LAMA2: variants seen among roughly 807,000 people sequenced by gnomAD.
The protein encoded by LAMA2 is laminin subunit alpha 2, also known as laminin subunit alpha-2.
In LAMA2, 269 loss-of-function variants were observed where a neutral mutation model predicts 364.8. That is an observed-to-expected ratio of 0.74 (90% confidence interval 0.67 to 0.82). LAMA2 has a LOEUF of 0.82. LAMA2 is among the 40% of genes least tolerant of loss of function. LAMA2 has a pLI of 0.00. For missense variants in LAMA2, 3,807 were observed against 3,873.2 expected, an observed-to-expected ratio of 0.98 and a Z score of 0.45; for synonymous variants, 1,379 against 1,370.6, an observed-to-expected ratio of 1.01 and a Z score of -0.14.
chr6:129,475,892 T>C (rs988551), intron 53 of LAMA2, among the ~76,000 whole-genome samples: 63,136 of 152,008 alleles, frequency 0.42, 13,307 homozygotes, highest in African/African-American at 0.46. Flanking sequence ...TGCAAACATT[T>C]ACACAGCCTT....
chr6:129,435,038 G>A (rs1781770279), intron 41 of LAMA2, among the ~76,000 whole-genome samples: 1 of 152,022 alleles, frequency 6.6e-6, no homozygotes, highest in Admixed American at 6.6e-5. Context: ...TAGCGCTTTG[G>A]AACTTGAGAG....
chr6:129,297,550 T>G, intron 20 of LAMA2, 135 bp from the exon 21 acceptor site: 1 of 778,512 alleles, frequency 1.3e-6, no homozygotes, highest in South Asian at 1.5e-5. Context: ...GAAAACCCAA[T>G]TGTCATAACA....
intron 29 of LAMA2, 109 bp downstream of exon 29, chr6:129,328,521 T>C: frequency 6.5e-7 from 1 of 1,539,414 alleles, no homozygotes; most frequent in Non-Finnish European, 8.9e-7. Flanking sequence ...TGCAACTGTG[T>C]GTGTGAAATA....
chr6:129,181,390 AT>A (rs1339528292), intron 10 of LAMA2, among the ~76,000 whole-genome samples: 1 of 152,124 alleles, frequency 6.6e-6, no homozygotes, highest in Non-Finnish European at 1.5e-5. Context: ...CACATAAATC[AT>A]AAAAATATGT....
chr6:129,098,156 T>C lies in LAMA2; in HGVS notation c.397-17T>C, dbSNP rs1775297504. On this transcript the variant is annotated splice_polypyrimidine_tract_variant and intron_variant, in intron 3 of 64. Transcript: ENST00000421865. ...ATTTGGGAATTCAATGTTATTGTTGTTGTTATACTTCCCTAGGTGTTCCAG... is the reference window on the plus strand; with the variant it reads ...ATTTGGGAATTCAATGTTATTGTTGCTGTTATACTTCCCTAGGTGTTCCAG... The C allele has an allele frequency of 1.2e-6, 2 of 1,613,534 alleles. No individual in the cohort carries two copies. Among genetic ancestry groups the C allele is most frequent in the South Asian group, 2.2e-5 (2 of 91,078 alleles).
In LAMA2 at chr6:128,888,802, G is replaced by C. The variant is rs369625627; in HGVS notation, c.112+5445G>C. Reference sequence around the variant, plus strand: ...CTGAGTGAGATGAGGAGGCATCGGTGAGTTTTAACAGAGTTAAATAAATGA... The same window carrying C: ...CTGAGTGAGATGAGGAGGCATCGGTCAGTTTTAACAGAGTTAAATAAATGA... On this transcript the variant is annotated intron_variant, in intron 1 of 64. Coordinates refer to ENST00000421865, the MANE Select transcript of LAMA2 (RefSeq NM_000426.4). 7.2e-5 allele frequency among the ~76,000 whole-genome samples: 11 copies of C among 152,284 alleles called. No individual in the cohort carries two copies. The East Asian group carries it at 1.9e-3, about 27-fold the overall frequency.
intron 34 of LAMA2, among the ~76,000 whole-genome samples, chr6:129,382,498 G>A (rs1778748724): frequency 1.3e-5 from 2 of 152,162 alleles, no homozygotes; most frequent in South Asian, 4.1e-4. Flanking sequence ...TGACACTGCT[G>A]CATGATTCTG....
At chr6:128,913,854 A>T (rs892941091) in intron 1 of LAMA2, among the ~76,000 whole-genome samples, 1 of 152,278 alleles carries the variant, frequency 6.6e-6, no homozygotes, top group Non-Finnish European at 1.5e-5. Context: ...TTCGTCTGTT[A>T]TGGAAACGCT....
chr6:129,404,501 AGT>A (rs1251829121), intron 40 of LAMA2, among the ~76,000 whole-genome samples: 1 of 152,192 alleles, frequency 6.6e-6, no homozygotes, highest in Non-Finnish European at 1.5e-5. Context: ...ATTTGGAACA[AGT>A]ATTTTAGAGT....
chr6:129,087,367 G>C (rs950705233), intron 3 of LAMA2, among the ~76,000 whole-genome samples: 1 of 152,162 alleles, frequency 6.6e-6, no homozygotes, highest in African/African-American at 2.4e-5. Flanking sequence ...ATAACATTGG[G>C]ACACACCTTT....
At chr6:129,179,455 C>G (rs1340968375) in intron 10 of LAMA2, among the ~76,000 whole-genome samples, 1 of 152,080 alleles carries the variant, frequency 6.6e-6, no homozygotes, top group Non-Finnish European at 1.5e-5. Context: ...AGTTAATTTT[C>G]TTTGGTAAAT....
chr6:129,154,591 T>C lies in LAMA2; in HGVS notation c.1114T>C (p.Tyr372His). The change falls in exon 8 of 65, where the codon TAC becomes CAC. Residue 372 changes from tyrosine to histidine, a missense_variant. Tyr to His is a moderately conservative substitution (Grantham distance 83). This residue lies in a region of LAMA2 where 80 missense variants were observed against 124.0 expected (regional missense o/e 0.65). Transcript: ENST00000421865. Reference sequence around the variant, plus strand: ...TCTGAGTTTGAATATACGTGGAAAGTACATTGGAGGGGGTGTCTGCATTAA... The same window carrying C: ...TCTGAGTTTGAATATACGTGGAAAGCACATTGGAGGGGGTGTCTGCATTAA... ...RNLSLNIRGK[Y>H]IGGGVCINCT... 2 of 1,613,856 alleles carry C rather than the reference T, an allele frequency of 1.2e-6. No homozygotes were observed. The highest frequency in any genetic ancestry group is 1.6e-4 in the Middle Eastern group (1 of 6,062).
At chr6:129,017,929 G>A (rs1209141722) in intron 1 of LAMA2, among the ~76,000 whole-genome samples, 1 of 151,736 alleles carries the variant, frequency 6.6e-6, no homozygotes, top group Non-Finnish European at 1.5e-5. Flanking sequence ...AGATCTTGTA[G>A]GTCTAAATAT....
chr6:129,420,821 A>C (rs987761613), intron 40 of LAMA2, among the ~76,000 whole-genome samples: 6 of 152,076 alleles, frequency 3.9e-5, no homozygotes, highest in Admixed American at 1.3e-4. Context: ...ACTTGCCTTC[A>C]CACCTCCCTC....
intron 10 of LAMA2, among the ~76,000 whole-genome samples, chr6:129,182,570 G>A (rs546321916): frequency 6.6e-6 from 1 of 151,820 alleles, no homozygotes; most frequent in South Asian, 2.1e-4. Flanking sequence ...TATAAACCAT[G>A]ATAAATTTCA....
chr6:129,466,641 T>C (rs1163990863), intron 51 of LAMA2, among the ~76,000 whole-genome samples: 1 of 151,984 alleles, frequency 6.6e-6, no homozygotes, highest in Non-Finnish European at 1.5e-5. Context: ...TTTAGCTGTT[T>C]AACCCAGCAT....
chr6:129,202,521 C>T (rs965636522), intron 12 of LAMA2, among the ~76,000 whole-genome samples: 2 of 152,144 alleles, frequency 1.3e-5, no homozygotes, highest in African/African-American at 2.4e-5. Flanking sequence ...CCTCACCACA[C>T]ATCAAATCTG....
chr6:128,966,407 A>G (rs1289302284), intron 1 of LAMA2, among the ~76,000 whole-genome samples: 1 of 152,132 alleles, frequency 6.6e-6, no homozygotes, highest in Non-Finnish European at 1.5e-5. Flanking sequence ...CCTTCTGTGA[A>G]CAACTTCTTG....
At chr6:129,352,077 T>G (rs1354926660) in intron 31 of LAMA2, among the ~76,000 whole-genome samples, 1 of 152,202 alleles carries the variant, frequency 6.6e-6, no homozygotes, top group Non-Finnish European at 1.5e-5. Flanking sequence ...ACTTGCCTGT[T>G]GAACAAAAAT....
Sources: allele counts gnomAD v4.1 joint callset (sites outside exome capture counted in the v4.1 genomes callset), GRCh38; gene constraint gnomAD v4.1.1; regional missense constraint gnomAD v4.1.1; transcripts MANE v1.5; gene names NCBI Gene and HGNC (gene_info 2026-07-23, HGNC 2026-07-21).